The following SLIT3 variants were observed in gnomAD, a reference collection of about 807,000 sequenced individuals.
SLIT3 encodes slit guidance ligand 3.
Under a neutral mutation model 184.0 loss-of-function variants are expected in SLIT3, and 68 were observed. The observed-to-expected ratio is 0.37, with a 90% CI of 0.30 to 0.45. The LOEUF (loss-of-function observed/expected upper bound fraction) is 0.45. Among genes scored for constraint, SLIT3 ranks in the 20% least tolerant of loss-of-function variants. The pLI, the probability that SLIT3 is intolerant of heterozygous loss-of-function variation, is 1.00. For synonymous variants in SLIT3, 831 were observed against 828.6 expected, an observed-to-expected ratio of 1.00 and a Z score of -0.05; for missense variants, 1,707 against 2,026.0, an observed-to-expected ratio of 0.84 and a Z score of 3.02.
intron 23 of SLIT3, among the ~76,000 whole-genome samples, chr5:168,721,875 A>ACAACTGT (rs1166121101): frequency 6.6e-6 from 1 of 152,150 alleles, no homozygotes; most frequent in Admixed American, 6.5e-5. Context: ...CTCTGAGGAA[A>ACAACTGT]CAACTGTCAA....
At chr5:169,109,780 G>T (rs1366014241) in intron 4 of SLIT3, among the ~76,000 whole-genome samples, 1 of 152,132 alleles carries the variant, frequency 6.6e-6, no homozygotes, top group Admixed American at 6.5e-5. Flanking sequence ...ATGCTATGTT[G>T]TCCCTTTCTG....
intron 3 of SLIT3, among the ~76,000 whole-genome samples, chr5:169,216,176 C>G (rs1020147504): frequency 1.3e-5 from 2 of 152,140 alleles, no homozygotes; most frequent in Admixed American, 1.3e-4. Context: ...TGCCTCCCAC[C>G]TGCCCTGATC....
intron 6 of SLIT3, among the ~76,000 whole-genome samples, chr5:168,826,004 C>G (rs1366953384): frequency 2.0e-5 from 3 of 152,106 alleles, no homozygotes; most frequent in African/African-American, 4.8e-5. Context: ...GAGCAAGAAC[C>G]CTTTGCAGAG....
intron 28 of SLIT3, among the ~76,000 whole-genome samples, chr5:168,695,676 T>G (rs1244687613): frequency 6.6e-6 from 1 of 152,154 alleles, no homozygotes; most frequent in Non-Finnish European, 1.5e-5. Context: ...AAAGGTTTTG[T>G]GTTTGGGGGG....
intron 3 of SLIT3, among the ~76,000 whole-genome samples, chr5:169,209,340 T>A (rs113630909): frequency 6.6e-6 from 1 of 152,180 alleles, no homozygotes; most frequent in Non-Finnish European, 1.5e-5. Context: ...AGGAACACTT[T>A]TACACGTTGG....
intron 5 of SLIT3, among the ~76,000 whole-genome samples, chr5:168,858,823 C>T (rs1758998305): frequency 6.6e-6 from 1 of 152,222 alleles, no homozygotes; most frequent in Non-Finnish European, 1.5e-5. Flanking sequence ...GCATTTACAT[C>T]CCGGGGACTC....
intron 14 of SLIT3, among the ~76,000 whole-genome samples, chr5:168,769,395 C>T (rs994276631): frequency 8.5e-5 from 13 of 152,186 alleles, no homozygotes; most frequent in African/African-American, 3.1e-4. Flanking sequence ...GAACCAGTAT[C>T]AACATTCTTC....
At chr5:169,219,245 A>G (rs1051279182) in intron 3 of SLIT3, among the ~76,000 whole-genome samples, 2 of 152,212 alleles carry the variant, frequency 1.3e-5, no homozygotes, top group Non-Finnish European at 2.9e-5. Flanking sequence ...GCCTCTGCTG[A>G]CAGGCAGAAT....
intron 6 of SLIT3, among the ~76,000 whole-genome samples, chr5:168,826,421 C>T (rs1309643217): frequency 6.6e-6 from 1 of 152,212 alleles, no homozygotes; most frequent in Non-Finnish European, 1.5e-5. Flanking sequence ...TTTGCCCACA[C>T]ACAGAGTACT....
At chr5:169,155,113 G>C (rs1762256005) in intron 4 of SLIT3, among the ~76,000 whole-genome samples, 1 of 152,228 alleles carries the variant, frequency 6.6e-6, no homozygotes, top group South Asian at 2.1e-4. Context: ...ATAAGTTGCA[G>C]TTTTTGGTAA....
intron 4 of SLIT3, among the ~76,000 whole-genome samples, chr5:169,155,279 T>C (rs1762263795): frequency 1.3e-5 from 2 of 152,226 alleles, no homozygotes; most frequent in African/African-American, 4.8e-5. Flanking sequence ...GCTGCATTCC[T>C]ACTCAGACAA....
At chr5:168,953,459 A>T (rs1408661973) in intron 4 of SLIT3, among the ~76,000 whole-genome samples, 3 of 152,244 alleles carry the variant, frequency 2.0e-5, no homozygotes, top group Non-Finnish European at 4.4e-5. Context: ...GAAAGGGAGA[A>T]TATGTCAGAA....
chr5:169,210,873 C>T (rs1764242451), intron 3 of SLIT3, among the ~76,000 whole-genome samples: 1 of 152,110 alleles, frequency 6.6e-6, no homozygotes, highest in Non-Finnish European at 1.5e-5. Flanking sequence ...CAGTATCTTC[C>T]ATTAAAGTGG....
chr5:168,962,854 T>C (rs1763064885), intron 4 of SLIT3, among the ~76,000 whole-genome samples: 1 of 152,106 alleles, frequency 6.6e-6, no homozygotes, highest in Non-Finnish European at 1.5e-5. Context: ...ATCCTCTCCT[T>C]CCCACTCTTC....
At chr5:168,803,532 C>G (rs1708423368) in intron 9 of SLIT3, among the ~76,000 whole-genome samples, 1 of 152,190 alleles carries the variant, frequency 6.6e-6, no homozygotes, top group Admixed American at 6.5e-5. Flanking sequence ...CAATTTCTGT[C>G]TCCTGGAGAG....
At chr5:168,827,051 ACCATGC>A (rs1004139795) in intron 6 of SLIT3, among the ~76,000 whole-genome samples, 1 of 152,202 alleles carries the variant, frequency 6.6e-6, no homozygotes, top group African/African-American at 2.4e-5. Context: ...GGTGTGAGCC[ACCATGC>A]CCAGCCTGTA....
intron 4 of SLIT3, among the ~76,000 whole-genome samples, chr5:169,154,584 C>T (rs1321644542): frequency 6.6e-6 from 1 of 152,218 alleles, no homozygotes; most frequent in African/African-American, 2.4e-5. Flanking sequence ...CCCCAGAGCT[C>T]CATTGGCTGT....
chr5:169,234,042 C>T (rs899167872), intron 3 of SLIT3, among the ~76,000 whole-genome samples: 4 of 152,174 alleles, frequency 2.6e-5, no homozygotes, highest in Non-Finnish European at 4.4e-5. Flanking sequence ...TTATTAAATA[C>T]TTTCTTCAGT....
intron 4 of SLIT3, among the ~76,000 whole-genome samples, chr5:168,898,045 T>G (rs1371828723): frequency 6.6e-6 from 1 of 152,196 alleles, no homozygotes; most frequent in Non-Finnish European, 1.5e-5. Context: ...AGAGAAAACT[T>G]GTGGTTTCAA....
Sources: gnomAD v4.1 joint callset for allele counts (sites outside exome capture counted in the v4.1 genomes callset) on GRCh38, gnomAD v4.1.1 for gene constraint, MANE v1.5 for transcripts, NCBI Gene and HGNC (gene_info 2026-07-23, HGNC 2026-07-21) for gene names.